EMG1: variants seen among roughly 807,000 people sequenced by gnomAD.
The protein encoded by EMG1 is ribosomal RNA small subunit methyltransferase NEP1.
A neutral mutation model predicts 26.9 loss-of-function variants in EMG1; 24 were observed. That is an observed-to-expected ratio of 0.89 (90% CI 0.65 to 1.26). The LOEUF (loss-of-function observed/expected upper bound fraction) is 1.26, where lower values mean the gene tolerates loss of function less well. Among genes scored for constraint, EMG1 ranks in the 50% most tolerant of loss-of-function variants. The probability of loss-of-function intolerance (pLI) is 0.00; values close to 1 mark genes in which losing one functional copy is unlikely to be tolerated. For missense variants in EMG1, 299 were observed against 307.6 expected (o/e 0.97, Z 0.21); for synonymous variants, 140 against 112.6 (o/e 1.24, Z -1.54).
exon 8 of EMG1, chr12:6,997,379 ATGTG>A (rs201579525): frequency 0.069 from 7,895 of 114,022 alleles, 484 homozygotes; most frequent in African/African-American, 0.18. Flanking sequence ...ACAGCAAATT[ATGTG>A]TGTGTGTGTG....
At position 6,977,792 on chromosome 12, in the gene EMG1, G is replaced by A. The variant is rs915218167; in HGVS notation, c.*1983G>A. 1 of 1,609,164 alleles carries A rather than the reference G, an allele frequency of 6.2e-7. No homozygotes were observed. Reference sequence around the variant, plus strand: ...GCGACCCTCAAACTGACTGGTCCTTGCATCCCGCCACCTGCCTCTGGGTCC... The same window carrying A: ...GCGACCCTCAAACTGACTGGTCCTTACATCCCGCCACCTGCCTCTGGGTCC... On this transcript the variant is annotated 3_prime_UTR_variant, in exon 6 of 6. Coordinates refer to ENST00000599672, the MANE Select transcript of EMG1 (RefSeq NM_006331.8). The surrounding 1 kb of genome is among the most constrained non-coding windows in gnomAD (Gnocchi z 4.5).
chr12:6,992,525 G>C (rs868923239), downstream of EMG1, among the ~76,000 whole-genome samples: 7 of 152,152 alleles, frequency 4.6e-5, no homozygotes, highest in Non-Finnish European at 1.0e-4. Flanking sequence ...ATAGGGAAAA[G>C]ACAAATACAT....
At chr12:6,982,851 C>T (rs189713252), downstream of EMG1, 724 of 969,812 alleles carry the variant, frequency 7.5e-4, 9 homozygotes, top group South Asian at 9.5e-3. Context: ...CCAATCACAA[C>T]GTAATATATA....
In EMG1 at chr12:6,987,968, T is replaced by C. The variant is rs1946544476; in HGVS notation, c.*211+130T>C. The C allele has an allele frequency of 1.3e-5, 5 of 397,080 alleles. No individual in the cohort carries two copies. The highest frequency in any genetic ancestry group is 2.2e-5 in the Non-Finnish European group (5 of 224,564). 24.6% of individuals were successfully genotyped at this position (397,080 alleles called of 1,614,324 possible). On this transcript the variant is annotated intron_variant and NMD_transcript_variant, in intron 7 of 7. Transcript: ENST00000261406. This position sits in a 1 kb window ranked among gnomAD's most constrained non-coding sequence, Gnocchi z 4.1. ...TGGGATCAACAGTCACCTCTTGAAC[T>C]TTTGGGGTGCTTGGCAATAGTTCCT... is the stretch of plus-strand genomic sequence containing the variant.
chr12:6,983,331 A>C (rs1374204312), downstream of EMG1: 1 of 749,482 alleles, frequency 1.3e-6, no homozygotes, highest in East Asian at 2.5e-5. Context: ...GGAGCATTAT[A>C]ACTTCCCTAC....
intron 7 of EMG1, among the ~76,000 whole-genome samples, chr12:6,994,567 A>G (rs1259712826): frequency 6.6e-6 from 1 of 152,110 alleles, no homozygotes; most frequent in Non-Finnish European, 1.5e-5. Flanking sequence ...TCTAGGTTCA[A>G]GTGATCCTCC....
At chr12:6,986,004 A>G (rs1189467513) in intron 6 of EMG1, among the ~76,000 whole-genome samples, 4 of 151,548 alleles carry the variant, frequency 2.6e-5, no homozygotes, top group Non-Finnish European at 4.4e-5. Context: ...CGAACTCCTG[A>G]CCTCAGGTGA....
rs201757338 is a variant in EMG1, at chr12:6,975,313, G to A, written c.556G>A (p.Val186Met). ...TTTTTCCATCCCGGTTGTCAGTGATGTGCGTGAGCTGGTGCCCAGCAGTGA... is the reference window on the plus strand; with the variant it reads ...TTTTTCCATCCCGGTTGTCAGTGATATGCGTGAGCTGGTGCCCAGCAGTGA... ...TSFSIPVVSD[V>M]RELVPSSDPI... Residue 186 changes from valine (V) to methionine (M), a missense_variant, in exon 5 of 6, where the codon GTG becomes ATG. Transcript: ENST00000599672. 235 of 1,610,848 alleles carry A rather than the reference G, an allele frequency of 1.5e-4. 1 individual carries two copies. The highest frequency in any genetic ancestry group is 8.5e-4 in the African/African-American group (64 of 75,046).
At position 6,977,338 on chromosome 12, in the gene EMG1, C is replaced by A. The variant is rs1156997350; in HGVS notation, c.*1529C>A. On this transcript the variant is annotated 3_prime_UTR_variant, in exon 6 of 6. Transcript: ENST00000599672. This position sits in a 1 kb window ranked among gnomAD's most constrained non-coding sequence, Gnocchi z 4.5. ...ACCTTTGAGGTTGCAGTGAGTCCCT[C>A]CCAGTCTCACAAGCAGGCCTTCACT... is the stretch of plus-strand genomic sequence containing the variant. 1 of 1,613,842 alleles carries A rather than the reference C, an allele frequency of 6.2e-7. No homozygotes were observed. Among genetic ancestry groups the A allele is most frequent in the African/African-American group, 1.3e-5 (1 of 75,030 alleles).
In EMG1 at chr12:6,987,618, T is replaced by C. The variant is rs1241718170; in HGVS notation, c.*155-164T>C. ...GTAACGGGGTATAAATAAAAAAATA[T>C]AAAACAGTAGATAATTATCTAGAGC... On this transcript the variant is annotated intron_variant and NMD_transcript_variant, in intron 6 of 7. Coordinates refer to the EMG1 transcript ENST00000261406. The surrounding 1 kb of genome is among the most constrained non-coding windows in gnomAD (Gnocchi z 4.1). Among the ~76,000 whole-genome samples, 2 of 152,216 alleles carry C rather than the reference T, an allele frequency of 1.3e-5. No individual in the cohort carries two copies. Among genetic ancestry groups the C allele is most frequent in the East Asian group, 3.8e-4 (2 of 5,204 alleles).
At chr12:6,984,887 T>G (rs1156963430), downstream of EMG1, among the ~76,000 whole-genome samples, 2 of 152,324 alleles carry the variant, frequency 1.3e-5, no homozygotes, top group East Asian at 3.9e-4. Flanking sequence ...GCCTGATGAA[T>G]TGCTGCGATT....
intron 7 of EMG1, among the ~76,000 whole-genome samples, chr12:6,995,785 C>T (rs975161559): frequency 6.6e-6 from 1 of 152,154 alleles, no homozygotes; most frequent in Non-Finnish European, 1.5e-5. Flanking sequence ...AGTCAGCAAT[C>T]CTGTCTGTTC....
rs1217761876 is a variant in EMG1, at chr12:6,976,336, AAC to A, written c.*531_*532del. 2 of 154,068 alleles carry A rather than the reference AAC, an allele frequency of 1.3e-5. No homozygotes were observed. The highest frequency in any genetic ancestry group is 6.5e-5 in the Admixed American group (1 of 15,470). 9.5% of individuals were successfully genotyped at this position (154,068 alleles called of 1,614,324 possible). ...AATCATAGTAAATTGGCAGAAGAAA[AAC>A]ACAATAGATTCCTGGCTAGATGGGG... On this transcript the variant is annotated 3_prime_UTR_variant, in exon 6 of 6. Transcript: ENST00000599672.
In EMG1 at chr12:6,987,845, G is replaced by C. The variant is rs1240599143; in HGVS notation, c.*211+7G>C. The C allele has an allele frequency of 2.5e-6, 1 of 400,592 alleles. No individual in the cohort carries two copies. Among genetic ancestry groups the C allele is most frequent in the Non-Finnish European group, 4.4e-6 (1 of 226,222 alleles). The allele number at this position is 400,592 out of a possible 1,614,324, so 24.8% of individuals were successfully genotyped here. A position where few individuals can be genotyped will look rare whatever the true frequency, so the allele number is the denominator to read the frequency against. The stretch of plus-strand genomic sequence containing the variant: ...GGCTTTATGACGTTCTGAGGTATGT[G>C]AAATTGTCTGCCTGACTCTAACAAG... On this transcript the variant is annotated splice_region_variant and intron_variant and NMD_transcript_variant, in intron 7 of 7. Coordinates refer to the EMG1 transcript ENST00000261406. The surrounding 1 kb of genome is among the most constrained non-coding windows in gnomAD (Gnocchi z 4.1).
chr12:6,971,272 TTC>T, intron 1 of EMG1, among the ~76,000 whole-genome samples, 181 bp downstream of exon 1: 1 of 145,950 alleles, frequency 6.9e-6, no homozygotes, highest in East Asian at 2.0e-4. Context: ...TCATTTTTCT[TTC>T]TTTTTTTTTT....
chr12:6,975,003 C>CG, intron 3 of EMG1, 87 bp from the exon 4 acceptor site: 1 of 1,344,642 alleles, frequency 7.4e-7, no homozygotes, highest in East Asian at 2.3e-5. Flanking sequence ...GGGAACTCAT[C>CG]TTATCCATGG....
Position 6,987,026 on chromosome 12 carries a change from T to A in EMG1, c.*155-756T>A, listed in dbSNP as rs1338794595. Among the ~76,000 whole-genome samples, 1 of 151,798 alleles carries A rather than the reference T, an allele frequency of 6.6e-6. No homozygotes were observed. The highest frequency in any genetic ancestry group is 2.4e-5 in the African/African-American group (1 of 41,276). ...TACTTGGGAAGCTGAGGCAGGAGAA[T>A]TGCTTGAACCCAGGAGGCGGAGGTG... On this transcript the variant is annotated intron_variant and NMD_transcript_variant, in intron 6 of 7. Coordinates refer to the EMG1 transcript ENST00000261406. The surrounding 1 kb of genome is among the most constrained non-coding windows in gnomAD (Gnocchi z 4.1).
downstream of EMG1, chr12:6,980,046 A>G (rs1386431620): frequency 9.9e-6 from 1 of 101,202 alleles, no homozygotes; most frequent in South Asian, 2.8e-4. Flanking sequence ...TTTTTTTACC[A>G]TTTTAATTTT....
At chr12:6,981,176 A>C, downstream of EMG1, 1 of 1,606,530 alleles carries the variant, frequency 6.2e-7, no homozygotes, top group Non-Finnish European at 8.5e-7. Flanking sequence ...TCAGAGGACA[A>C]GGAATTCTAT....
Sources: gnomAD v4.1 joint callset for allele counts (sites outside exome capture counted in the v4.1 genomes callset) on GRCh38, gnomAD v4.1.1 for gene constraint, Gnocchi (gnomAD v3.1) non-coding constraint, MANE v1.5 for transcripts, NCBI Gene and HGNC (gene_info 2026-07-23, HGNC 2026-07-21) for gene names.